DLGAP2: variants seen among roughly 807,000 people sequenced by gnomAD.
DLGAP2 encodes disks large-associated protein 2.
Under a neutral mutation model 100.3 loss-of-function variants are expected in DLGAP2, and 26 were observed. The observed-to-expected ratio is 0.26, with a 90% CI of 0.19 to 0.36. The LOEUF (loss-of-function observed/expected upper bound fraction) is 0.36, where lower values mean the gene tolerates loss of function less well. Ranked by LOEUF, DLGAP2 falls within the 10% of genes least tolerant of loss-of-function variation. The pLI is 1.00. For synonymous variants in DLGAP2, 886 were observed against 630.1 expected (o/e 1.41, Z -6.08); for missense variants, 1,858 against 1,453.2 (o/e 1.28, Z -4.53).
At chr8:1,406,954 A>C (rs78385722) in intron 3 of DLGAP2, among the ~76,000 whole-genome samples, 10 of 13,502 alleles carry the variant, frequency 7.4e-4, no homozygotes, top group Admixed American at 1.0e-3. Context: ...ACTGAGCGCC[A>C]CCTCCTTGTC....
intron 1 of DLGAP2, among the ~76,000 whole-genome samples, chr8:831,386 C>T (rs1242778137): frequency 6.6e-6 from 1 of 152,042 alleles, no homozygotes; most frequent in Non-Finnish European, 1.5e-5. Flanking sequence ...CCGCAACAGG[C>T]CCCAGTGTGT....
intron 8 of DLGAP2, among the ~76,000 whole-genome samples, chr8:1,666,967 C>T (rs999258455): frequency 2.0e-5 from 3 of 152,180 alleles, no homozygotes; most frequent in Non-Finnish European, 4.4e-5. Flanking sequence ...AACTGCTGCT[C>T]GGTCTGTCCT....
intron 4 of DLGAP2, among the ~76,000 whole-genome samples, chr8:1,504,057 C>T (rs560883478): frequency 2.0e-5 from 3 of 152,180 alleles, no homozygotes; most frequent in African/African-American, 4.8e-5. Context: ...TTAGCCCATT[C>T]GTGCAAATAT....
rs150833364 is a variant in DLGAP2 at position 1,126,549 on chromosome 8, A to G, written c.74-132302A>G. ...AGGCAGGCAGAGATCAGGCTGGGAGATCCTGGTGGTGAGATCAGAGGCTTA... is the reference window on the plus strand; with the variant it reads ...AGGCAGGCAGAGATCAGGCTGGGAGGTCCTGGTGGTGAGATCAGAGGCTTA... On this transcript the variant is annotated intron_variant, in intron 2 of 14. Coordinates refer to ENST00000637795, the MANE Select transcript of DLGAP2 (RefSeq NM_001346810.2). Among the ~76,000 whole-genome samples, 1,055 of 151,876 alleles carry G rather than the reference A, an allele frequency of 6.9e-3. 8 individuals are homozygous for G. Among genetic ancestry groups the G allele is most frequent in the Middle Eastern group, 0.037 (11 of 294 alleles).
intron 7 of DLGAP2, among the ~76,000 whole-genome samples, chr8:1,629,896 C>T (rs1585013383): frequency 6.6e-6 from 1 of 152,246 alleles, no homozygotes; most frequent in East Asian, 1.9e-4. Context: ...GCTAAATATA[C>T]TAGTTCTCTC....
rs75075554 is a variant in DLGAP2, at chr8:1,514,995, G to A, written c.172+13564G>A. Among the ~76,000 whole-genome samples the A allele has an allele frequency of 9.8e-3, 1,488 of 151,698 alleles. 27 individuals carry two copies. Among genetic ancestry groups the A allele is most frequent in the African/African-American group, 0.034 (1,427 of 41,396 alleles). On this transcript the variant is annotated intron_variant, in intron 4 of 14. Transcript: ENST00000637795. ...GACACCAACGTGTAGAGAGACTGACGTGGAGGGAGACCGACATGGAGGGAG... is the reference window on the plus strand; with the variant it reads ...GACACCAACGTGTAGAGAGACTGACATGGAGGGAGACCGACATGGAGGGAG...
intron 12 of DLGAP2, among the ~76,000 whole-genome samples, chr8:1,686,674 A>G (rs1024332799): frequency 5.5e-5 from 6 of 108,138 alleles, no homozygotes; most frequent in Admixed American, 5.4e-4. Flanking sequence ...GACCCCATCC[A>G]AAAAAAAAAA....
At chr8:1,669,899 C>T (rs1798647253) in intron 10 of DLGAP2, 115 bp downstream of exon 10, 1 of 733,640 alleles carries the variant, frequency 1.4e-6, no homozygotes, top group South Asian at 1.5e-5. Context: ...ATGTGCCAGG[C>T]ACTATGCTGG....
At chr8:1,614,965 C>T (rs1797103404) in intron 6 of DLGAP2, among the ~76,000 whole-genome samples, 1 of 152,242 alleles carries the variant, frequency 6.6e-6, no homozygotes, top group Non-Finnish European at 1.5e-5. Context: ...CGCGGCTGCC[C>T]ATGGTCCTGT....
At chr8:1,164,028 C>T (rs1026855856) in intron 2 of DLGAP2, among the ~76,000 whole-genome samples, 1 of 152,186 alleles carries the variant, frequency 6.6e-6, no homozygotes, top group East Asian at 1.9e-4. Flanking sequence ...CGCTTTCCTT[C>T]ATCTCCTCTA....
At chr8:1,199,877 G>C (rs1452143004) in intron 2 of DLGAP2, among the ~76,000 whole-genome samples, 2 of 152,124 alleles carry the variant, frequency 1.3e-5, no homozygotes, top group Non-Finnish European at 2.9e-5. Flanking sequence ...TCACTGGGTG[G>C]AGAGTGTGAT....
At chr8:1,476,015 G>C (rs1030650531) in intron 3 of DLGAP2, among the ~76,000 whole-genome samples, 3 of 152,164 alleles carry the variant, frequency 2.0e-5, no homozygotes, top group African/African-American at 7.2e-5. Flanking sequence ...CACTCCTTTT[G>C]AATAAGGAAA....
chr8:1,226,258 A>C (rs1230377117), intron 2 of DLGAP2, among the ~76,000 whole-genome samples: 1 of 152,204 alleles, frequency 6.6e-6, no homozygotes, highest in African/African-American at 2.4e-5. Flanking sequence ...TGGATAAAAA[A>C]AATGCGGTGC....
At chr8:929,931 T>G (rs1004162456) in intron 2 of DLGAP2, among the ~76,000 whole-genome samples, 1 of 151,924 alleles carries the variant, frequency 6.6e-6, no homozygotes, top group Non-Finnish European at 1.5e-5. Context: ...CTGGCTTTGT[T>G]TTTTCACCTC....
chr8:973,913 C>T (rs1404095651), intron 2 of DLGAP2, among the ~76,000 whole-genome samples: 1 of 149,798 alleles, frequency 6.7e-6, no homozygotes, highest in Non-Finnish European at 1.5e-5. Flanking sequence ...ACCGCCACCG[C>T]CGCCACCCCG....
intron 2 of DLGAP2, among the ~76,000 whole-genome samples, chr8:1,191,235 G>A (rs1291603563): frequency 3.6e-4 from 23 of 63,252 alleles, no homozygotes; most frequent in Non-Finnish European, 8.4e-4. Flanking sequence ...ACAGTGGCGC[G>A]ATCTCGGCTC....
At chr8:1,157,282 C>T (rs541072311) in intron 2 of DLGAP2, among the ~76,000 whole-genome samples, 2 of 152,086 alleles carry the variant, frequency 1.3e-5, no homozygotes, top group African/African-American at 2.4e-5. Context: ...GGCACAGATG[C>T]GGGCTGTGAT....
chr8:1,350,769 C>A (rs71497116), intron 3 of DLGAP2, among the ~76,000 whole-genome samples: 6 of 6,352 alleles, frequency 9.4e-4, no homozygotes, highest in African/African-American at 1.3e-3. Context: ...GGGTCCTGAG[C>A]GTGCGTGGAA....
At chr8:1,629,970 T>G (rs185512211) in intron 7 of DLGAP2, among the ~76,000 whole-genome samples, 37 of 152,326 alleles carry the variant, frequency 2.4e-4, no homozygotes, top group Admixed American at 1.3e-3. Flanking sequence ...AAATAACATT[T>G]TCTCACATCT....
Sources: gnomAD v4.1 joint callset for allele counts (sites outside exome capture counted in the v4.1 genomes callset) on GRCh38, gnomAD v4.1.1 for gene constraint, MANE v1.5 for transcripts, NCBI Gene and HGNC (gene_info 2026-07-23, HGNC 2026-07-21) for gene names.